The following BCAR3 variants were observed in gnomAD, a reference collection of about 807,000 sequenced individuals.
The protein encoded by BCAR3 is breast cancer anti-estrogen resistance protein 3.
In BCAR3, 37 loss-of-function variants were observed where a neutral mutation model predicts 80.1. That is an observed-to-expected ratio of 0.46 (90% CI 0.36 to 0.61). The LOEUF is 0.61. Ranked by LOEUF, BCAR3 falls within the 20% of genes least tolerant of loss-of-function variation. The pLI, the probability that BCAR3 is intolerant of heterozygous loss-of-function variation, is 0.00. For synonymous variants in BCAR3, 389 were observed against 418.9 expected (o/e 0.93, Z 0.87); for missense variants, 978 against 1,068.2 (o/e 0.92, Z 1.18).
At chr1:93,582,990 T>C (rs890361927) in intron 6 of BCAR3, 37 bp from the exon 7 acceptor site, 34 of 1,536,906 alleles carry the variant, frequency 2.2e-5, no homozygotes, top group Non-Finnish European at 2.4e-5. Context: ...AAAGCTCATC[T>C]GTGTGGAGAA....
intron 2 of BCAR3, among the ~76,000 whole-genome samples, chr1:93,651,578 G>C (rs1341971976): frequency 6.6e-6 from 1 of 152,218 alleles, no homozygotes. Context: ...CAAAACAGAG[G>C]AGACTCAGCT....
At chr1:93,758,328 G>A (rs1389374974) in intron 2 of BCAR3, among the ~76,000 whole-genome samples, 1 of 152,226 alleles carries the variant, frequency 6.6e-6, no homozygotes, top group Non-Finnish European at 1.5e-5. Flanking sequence ...GGACAAAGAA[G>A]AGTTTCCAGG....
intron 2 of BCAR3, chr1:93,845,494 ATAT>A (rs1655131608): frequency 1.6e-4 from 2 of 12,510 alleles, no homozygotes; most frequent in Admixed American, 2.0e-3. Flanking sequence ...ATATATATAT[ATAT>A]ATATAAAACT....
chr1:93,741,424 TGTC>T (rs540101319), intron 2 of BCAR3, among the ~76,000 whole-genome samples: 1 of 152,218 alleles, frequency 6.6e-6, no homozygotes, highest in Non-Finnish European at 1.5e-5. Context: ...GTGCCCGGGT[TGTC>T]TTTTCAGTAA....
intron 2 of BCAR3, among the ~76,000 whole-genome samples, chr1:93,774,056 TC>T (rs1224073651): frequency 1.3e-5 from 2 of 152,204 alleles, no homozygotes; most frequent in African/African-American, 4.8e-5. Context: ...ATGCTTGTCT[TC>T]GAATAACTAT....
intron 2 of BCAR3, among the ~76,000 whole-genome samples, chr1:93,723,727 C>T (rs1650487819): frequency 6.6e-6 from 1 of 152,098 alleles, no homozygotes; most frequent in Admixed American, 6.5e-5. Flanking sequence ...GTCTCAGAGA[C>T]AGGACCTTGA....
At chr1:93,814,144 T>C (rs941839621) in intron 2 of BCAR3, among the ~76,000 whole-genome samples, 1 of 152,218 alleles carries the variant, frequency 6.6e-6, no homozygotes, top group Non-Finnish European at 1.5e-5. Context: ...CTTTGATCTC[T>C]GCAAAGGCAG....
chr1:93,602,846 G>A (rs1259414538), intron 3 of BCAR3, among the ~76,000 whole-genome samples: 1 of 152,162 alleles, frequency 6.6e-6, no homozygotes, highest in East Asian at 1.9e-4. Flanking sequence ...CTTCTAGTAC[G>A]AGCCCTTGGG....
chr1:93,662,329 T>A (rs1382707511), intron 2 of BCAR3, among the ~76,000 whole-genome samples: 1 of 152,234 alleles, frequency 6.6e-6, no homozygotes, highest in African/African-American at 2.4e-5. Context: ...TTTTCGTGTG[T>A]GGCTGTTTAG....
Position 93,835,874 on chromosome 1 carries a change from C to T in BCAR3, c.-63+9693G>A, listed in dbSNP as rs939063576. Among the ~76,000 whole-genome samples the T allele has an allele frequency of 5.9e-5, 9 of 152,172 alleles. No homozygotes were observed. The South Asian group carries it at 8.3e-4, about 14-fold the overall frequency. On this transcript the variant is annotated intron_variant, in intron 2 of 13. Transcript: ENST00000370244. ...TTCCCACAGGGTCTGAGAAGGCCAC[C>T]GCGGTCATTTCTTCCCTTCTGTCAG... is the stretch of plus-strand genomic sequence containing the variant.
At chr1:93,757,338 C>T (rs1013249188) in intron 2 of BCAR3, among the ~76,000 whole-genome samples, 2 of 152,138 alleles carry the variant, frequency 1.3e-5, no homozygotes, top group Admixed American at 6.5e-5. Flanking sequence ...CAGCTCCCCC[C>T]ATTTTCTCTT....
At chr1:93,609,232 T>C (rs1250561959) in intron 3 of BCAR3, among the ~76,000 whole-genome samples, 2 of 152,046 alleles carry the variant, frequency 1.3e-5, no homozygotes, top group East Asian at 1.9e-4. Context: ...AAAGAAACAA[T>C]ACTACATAGC....
intron 2 of BCAR3, among the ~76,000 whole-genome samples, chr1:93,715,644 C>T (rs903865264): frequency 6.6e-6 from 1 of 152,154 alleles, no homozygotes; most frequent in Non-Finnish European, 1.5e-5. Context: ...AGCAGACACT[C>T]GAAACTATTT....
chr1:93,632,291 G>A (rs1395944390), intron 3 of BCAR3, among the ~76,000 whole-genome samples: 19 of 152,210 alleles, frequency 1.2e-4, no homozygotes, highest in Admixed American at 1.2e-3. Flanking sequence ...CTCTGTAAAA[G>A]GTTCTGTTAG....
In BCAR3 at chr1:93,582,297, T is replaced by C; in HGVS notation, c.1686+4A>G. 1.2e-6 allele frequency: 2 copies of C among 1,610,486 alleles called. No homozygotes were observed. Among genetic ancestry groups the C allele is most frequent in the Non-Finnish European group, 1.7e-6 (2 of 1,177,194 alleles). ...AGAGGAGCACCAGGACCCCCAGCGC[T>C]TACCCTGCAGTCCATGCTCAGTACG... On this transcript the variant is annotated splice_donor_region_variant and intron_variant, in intron 7 of 11. Coordinates refer to ENST00000260502, the MANE Select transcript of BCAR3 (RefSeq NM_003567.4).
upstream of BCAR3, chr1:93,847,895 G>GAGCGGC (rs1370613131): frequency 1.2e-5 from 3 of 246,176 alleles, no homozygotes; most frequent in East Asian, 1.6e-4. Context: ...GTCCTGAGAA[G>GAGCGGC]AGCGGCGGCG....
At chr1:93,822,913 G>A (rs1189474714) in intron 2 of BCAR3, among the ~76,000 whole-genome samples, 1 of 86,558 alleles carries the variant, frequency 1.2e-5, no homozygotes, top group Non-Finnish European at 2.9e-5. Context: ...GTGCTTCTCA[G>A]AGGCAACCAT....
intron 2 of BCAR3, among the ~76,000 whole-genome samples, chr1:93,734,252 T>C (rs1280947176): frequency 6.6e-6 from 1 of 152,270 alleles, no homozygotes; most frequent in Non-Finnish European, 1.5e-5. Flanking sequence ...TAGAAGTGAC[T>C]GCATTATCTT....
chr1:93,715,931 T>A (rs1341444765), intron 2 of BCAR3, among the ~76,000 whole-genome samples: 1 of 152,216 alleles, frequency 6.6e-6, no homozygotes, highest in African/African-American at 2.4e-5. Flanking sequence ...CAATTATTTG[T>A]GGTGACAGGG....
Sources: gnomAD v4.1 joint callset for allele counts (sites outside exome capture counted in the v4.1 genomes callset) on GRCh38, gnomAD v4.1.1 for gene constraint, MANE v1.5 for transcripts, NCBI Gene and HGNC (gene_info 2026-07-23, HGNC 2026-07-21) for gene names.